Variants in CCDC171 observed in about 807,000 individuals in gnomAD.
CCDC171 encodes the protein coiled-coil domain containing 171.
CCDC171 carries 177 observed loss-of-function variants against 168.2 expected under a neutral mutation model. That is an observed-to-expected ratio of 1.05 (90% confidence interval 0.93 to 1.19). The LOEUF is 1.19. Ranked by LOEUF, CCDC171 falls within the 50% of genes most tolerant of loss-of-function variation. The pLI is 0.00. For synonymous variants in CCDC171, 687 were observed against 540.8 expected (o/e 1.27, Z -3.75); for missense variants, 1,991 against 1,539.0 (o/e 1.29, Z -4.91).
intron 2 of CCDC171, among the ~76,000 whole-genome samples, chr9:15,569,856 AT>A (rs1563957788): frequency 4.0e-5 from 6 of 149,724 alleles, no homozygotes; most frequent in Non-Finnish European, 7.4e-5. Flanking sequence ...CAAAAAAAAA[AT>A]TTCTATTTTT....
intron 3 of CCDC171, among the ~76,000 whole-genome samples, chr9:16,008,610 T>C (rs3008730): frequency 0.44 from 66,178 of 152,022 alleles, 14,637 homozygotes; most frequent in South Asian, 0.5. Flanking sequence ...CTCTTTCTGG[T>C]CCCCTGTTCT....
chr9:16,106,014 T>C, the CCDC171 span, among the ~76,000 whole-genome samples: 2 of 152,198 alleles, frequency 1.3e-5, no homozygotes, highest in Admixed American at 1.3e-4. Flanking sequence ...AGCCACCCTT[T>C]GGCTTGGTCC....
chr9:15,732,861 A>C (rs1032940277), intron 16 of CCDC171, among the ~76,000 whole-genome samples: 1 of 152,134 alleles, frequency 6.6e-6, no homozygotes, highest in Non-Finnish European at 1.5e-5. Flanking sequence ...TTATATGGTA[A>C]GTGTAACTTA....
At chr9:16,034,693 C>T (rs986181352) in intron 6 of CCDC171, among the ~76,000 whole-genome samples, 1 of 152,192 alleles carries the variant, frequency 6.6e-6, no homozygotes, top group Non-Finnish European at 1.5e-5. Flanking sequence ...TGCCCCAATC[C>T]TGGGGGACAG....
At chr9:15,802,218 T>G (rs1036490964) in intron 21 of CCDC171, among the ~76,000 whole-genome samples, 3 of 151,902 alleles carry the variant, frequency 2.0e-5, no homozygotes, top group African/African-American at 4.8e-5. Flanking sequence ...ATTTATTTAT[T>G]TATTTTTAAA....
intron 3 of CCDC171, among the ~76,000 whole-genome samples, chr9:15,997,348 A>G (rs917309666): frequency 1.3e-5 from 2 of 152,230 alleles, no homozygotes; most frequent in Non-Finnish European, 2.9e-5. Context: ...GACTGCCCAG[A>G]GGAGCATGGC....
intron 1 of CCDC171, among the ~76,000 whole-genome samples, chr9:16,053,644 C>T (rs1464138885): frequency 6.6e-6 from 1 of 152,220 alleles, no homozygotes; most frequent in Non-Finnish European, 1.5e-5. Context: ...CGGCCCCTCT[C>T]CATCAATGGT....
chr9:15,978,005 A>G (rs746246871), downstream of CCDC171, among the ~76,000 whole-genome samples: 55 of 148,660 alleles, frequency 3.7e-4, no homozygotes, highest in Admixed American at 2.0e-3. Flanking sequence ...TAACCAAAAT[A>G]CATTTTCTTT....
Position 15,564,148 on chromosome 9 carries a change from C to A in CCDC171, c.41+19C>A. 1.3e-6 allele frequency: 2 copies of A among 1,586,542 alleles called. No individual in the cohort carries two copies. Among genetic ancestry groups the A allele is most frequent in the Non-Finnish European group, 1.7e-6 (2 of 1,162,520 alleles). On this transcript the variant is annotated intron_variant, in intron 2 of 25. Transcript: ENST00000380701. ...CCCAAAGGTAAGCCTCTAGTCTCTT[C>A]TTTTAGTTGATGAACGTTTTTAGTT...
intron 1 of CCDC171, among the ~76,000 whole-genome samples, chr9:15,560,136 C>A (rs1452188103): frequency 6.6e-6 from 1 of 152,084 alleles, no homozygotes; most frequent in Non-Finnish European, 1.5e-5. Flanking sequence ...TGTGGGTAAC[C>A]TGACGTTTCT....
chr9:16,064,003 G>A (rs1833964731), downstream of CCDC171, among the ~76,000 whole-genome samples: 3 of 152,134 alleles, frequency 2.0e-5, no homozygotes, highest in Admixed American at 6.5e-5. Context: ...TGGTCCTCCC[G>A]ACTATTCCAG....
At chr9:15,922,115 C>T (rs1299835965) in intron 25 of CCDC171, 1 of 372,948 alleles carries the variant, frequency 2.7e-6, no homozygotes, top group Admixed American at 2.5e-5. Flanking sequence ...CTACAGGATA[C>T]ATTCATCATT....
intron 7 of CCDC171, among the ~76,000 whole-genome samples, chr9:15,643,203 T>C (rs896240223): frequency 6.6e-6 from 1 of 152,148 alleles, no homozygotes; most frequent in Non-Finnish European, 1.5e-5. Context: ...TATGGGCTAT[T>C]TCCTTGTGAC....
intron 9 of CCDC171, 150 bp from the exon 10 acceptor site, chr9:15,678,608 T>A: frequency 3.8e-6 from 2 of 530,036 alleles, no homozygotes; most frequent in Non-Finnish European, 6.4e-6. Flanking sequence ...GAATATTCAG[T>A]ACTTTTTGTT....
At chr9:16,024,931 C>G (rs1731429689) in intron 6 of CCDC171, among the ~76,000 whole-genome samples, 1 of 152,132 alleles carries the variant, frequency 6.6e-6, no homozygotes, top group South Asian at 2.1e-4. Context: ...GAGGCAGTTC[C>G]CAGACATGGA....
At chr9:15,723,506 A>G (rs918657098) in intron 12 of CCDC171, among the ~76,000 whole-genome samples, 175 bp from the exon 13 acceptor site, 1 of 152,248 alleles carries the variant, frequency 6.6e-6, no homozygotes, top group African/African-American at 2.4e-5. Flanking sequence ...GCTATATAGC[A>G]TTTAACCAAA....
rs150644995 is a variant in CCDC171, at chr9:15,796,217, G to T, written c.3267+11523G>T. 5.3e-4 allele frequency among the ~76,000 whole-genome samples: 81 copies of T among 152,188 alleles called. 1 individual carries two copies. The highest frequency in any genetic ancestry group is 1.9e-3 in the African/African-American group (80 of 41,548). On this transcript the variant is annotated intron_variant, in intron 21 of 25. Coordinates refer to ENST00000380701, the MANE Select transcript of CCDC171 (RefSeq NM_173550.4). ...TATAGTCATGGAGATTATGAACTCA[G>T]TGAACATTGGGTAGACATTGATGAA...
intron 3 of CCDC171, among the ~76,000 whole-genome samples, chr9:16,016,293 A>G (rs543741872): frequency 7.7e-4 from 118 of 152,272 alleles, no homozygotes; most frequent in South Asian, 1.0e-3. Flanking sequence ...TAGATAGAAG[A>G]GACTTCTATC....
chr9:15,648,495 A>C (rs1258757548), intron 7 of CCDC171, among the ~76,000 whole-genome samples: 6 of 152,188 alleles, frequency 3.9e-5, no homozygotes, highest in Non-Finnish European at 8.8e-5. Flanking sequence ...ATATTTAGAA[A>C]ACCCCATCGT....
Sources: allele counts gnomAD v4.1 joint callset (sites outside exome capture counted in the v4.1 genomes callset), GRCh38; gene constraint gnomAD v4.1.1; transcripts MANE v1.5; gene names NCBI Gene and HGNC (gene_info 2026-07-23, HGNC 2026-07-21).